Variants in L3MBTL4 observed in about 807,000 individuals in gnomAD.
L3MBTL4 encodes lethal(3)malignant brain tumor-like protein 4.
Under a neutral mutation model 84.5 loss-of-function variants are expected in L3MBTL4, and 70 were observed. The ratio of observed to expected loss-of-function variants is 0.83; its 90% CI spans 0.68 to 1.01. L3MBTL4 has a LOEUF of 1.01. L3MBTL4 is among the 50% of genes least tolerant of loss of function. L3MBTL4 has a pLI of 0.00. For synonymous variants in L3MBTL4, 274 were observed against 259.8 expected, an observed-to-expected ratio of 1.05 and a Z score of -0.52; for missense variants, 715 against 754.8, an observed-to-expected ratio of 0.95 and a Z score of 0.62.
At chr18:6,109,880 T>A (rs538067787) in intron 14 of L3MBTL4, among the ~76,000 whole-genome samples, 2 of 152,060 alleles carry the variant, frequency 1.3e-5, no homozygotes, top group Non-Finnish European at 2.9e-5. Context: ...AAAAGAGAAG[T>A]GGAAGGTCAG....
chr18:6,008,286 G>A (rs1286512003), intron 16 of L3MBTL4, among the ~76,000 whole-genome samples: 5 of 152,090 alleles, frequency 3.3e-5, no homozygotes, highest in South Asian at 2.1e-4. Context: ...CTGTGACCTC[G>A]GCCTTGGCTT....
At position 6,004,997 on chromosome 18, in the gene L3MBTL4, A is replaced by ATTTTTTTTT. The variant is rs60294342; in HGVS notation, c.1445-35444_1445-35436dup. 2.5e-3 allele frequency among the ~76,000 whole-genome samples: 131 copies of ATTTTTTTTT among 52,064 alleles called. 8 individuals are homozygous for ATTTTTTTTT. Among genetic ancestry groups the ATTTTTTTTT allele is most frequent in the South Asian group, 4.8e-3 (4 of 840 alleles). 34.2% of individuals were successfully genotyped at this position (52,064 alleles called of 152,430 possible). On this transcript the variant is annotated intron_variant, in intron 16 of 18. Coordinates refer to ENST00000317931, the MANE Select transcript of L3MBTL4 (RefSeq NM_001330559.2). ...ACACATAAAAATGGTTAAGATGATA[A>ATTTTTTTTT]TTTTTTTTTTTTTTTTTTTTTTTTT...
intron 8 of L3MBTL4, 71 bp downstream of exon 8, chr18:6,241,287 A>G (rs2047438580): frequency 1.1e-6 from 1 of 873,684 alleles, no homozygotes. Flanking sequence ...AATAAAACAG[A>G]ATATATAGTG....
At chr18:6,191,484 G>A (rs2045084664) in intron 12 of L3MBTL4, among the ~76,000 whole-genome samples, 1 of 152,152 alleles carries the variant, frequency 6.6e-6, no homozygotes, top group Non-Finnish European at 1.5e-5. Flanking sequence ...GGGTTAGAGA[G>A]GAAGATCAGT....
chr18:6,202,239 G>A (rs1468268204), intron 12 of L3MBTL4, among the ~76,000 whole-genome samples: 2 of 152,122 alleles, frequency 1.3e-5, no homozygotes, highest in Non-Finnish European at 2.9e-5. Context: ...AGGGCTACCC[G>A]ATTTGTGAAT....
chr18:6,349,333 T>C (rs1259023880), intron 1 of L3MBTL4, among the ~76,000 whole-genome samples: 1 of 152,212 alleles, frequency 6.6e-6, no homozygotes, highest in Non-Finnish European at 1.5e-5. Flanking sequence ...GGTGTATTCA[T>C]ACAATAAAAT....
intron 17 of L3MBTL4, among the ~76,000 whole-genome samples, chr18:5,968,619 T>C (rs1253444090): frequency 1.3e-5 from 2 of 151,638 alleles, no homozygotes; most frequent in Non-Finnish European, 2.9e-5. Context: ...ATCGCTAGAG[T>C]CCAGGAGTTC....
chr18:6,185,961 T>TATTA lies in L3MBTL4; in HGVS notation c.982-14020_982-14019insTAAT, dbSNP rs527320415. Among the ~76,000 whole-genome samples the TATTA allele has an allele frequency of 1.8e-4, 17 of 96,892 alleles. 1 individual carries two copies. The highest frequency in any genetic ancestry group is 8.0e-4 in the African/African-American group (17 of 21,152). 63.6% of individuals were successfully genotyped at this position (96,892 alleles called of 152,430 possible). ...AGTGAAAACCAAAAAGGGCACTTTCTTTATTTTATTTTATTTTATTTTATT... is the reference window on the plus strand; with the variant it reads ...AGTGAAAACCAAAAAGGGCACTTTCTATTATTATTTTATTTTATTTTATTTTATT... On this transcript the variant is annotated intron_variant, in intron 12 of 18. Coordinates refer to ENST00000317931, the MANE Select transcript of L3MBTL4 (RefSeq NM_001330559.2).
chr18:6,068,772 G>A (rs967124543), intron 16 of L3MBTL4, among the ~76,000 whole-genome samples: 1 of 152,198 alleles, frequency 6.6e-6, no homozygotes, highest in Admixed American at 6.5e-5. Context: ...GATTGTTGGG[G>A]TAGAGGTGTA....
chr18:6,079,119 CAG>C (rs2057978586), intron 16 of L3MBTL4, among the ~76,000 whole-genome samples: 1 of 152,160 alleles, frequency 6.6e-6, no homozygotes, highest in Admixed American at 6.5e-5. Context: ...CTATGCAGCC[CAG>C]TTCCTAACAG....
intron 13 of L3MBTL4, among the ~76,000 whole-genome samples, chr18:6,162,931 T>A (rs1194318719): frequency 6.6e-6 from 1 of 152,084 alleles, no homozygotes; most frequent in African/African-American, 2.4e-5. Context: ...GATAGGTGAG[T>A]AATGCATTGA....
At chr18:6,301,179 A>T (rs1230732153) in intron 4 of L3MBTL4, among the ~76,000 whole-genome samples, 1 of 152,194 alleles carries the variant, frequency 6.6e-6, no homozygotes, top group Non-Finnish European at 1.5e-5. Flanking sequence ...AAAAATAAAC[A>T]CAAAAGCTTC....
chr18:6,375,143 C>T lies in L3MBTL4; in HGVS notation c.-91+39658G>A, dbSNP rs578249531. 9.1e-4 allele frequency among the ~76,000 whole-genome samples: 138 copies of T among 152,244 alleles called. 1 individual carries two copies. In the Middle Eastern group the frequency reaches 0.014, roughly 15 times the overall value. On this transcript the variant is annotated intron_variant, in intron 1 of 18. Coordinates refer to ENST00000317931, the MANE Select transcript of L3MBTL4 (RefSeq NM_001330559.2). ...CTGACTCACAGGTGCCTTCCACTGG[C>T]GGCCACCTAGATCACTGCATCTGCC...
chr18:6,000,150 T>C (rs187450200), intron 16 of L3MBTL4, among the ~76,000 whole-genome samples: 35 of 152,274 alleles, frequency 2.3e-4, no homozygotes, highest in African/African-American at 8.2e-4. Context: ...AAAGATGCCA[T>C]GAGAAAAATG....
Position 6,156,413 on chromosome 18 carries a change from T to C in L3MBTL4, c.1096+15415A>G, listed in dbSNP as rs113619931. On this transcript the variant is annotated intron_variant, in intron 13 of 18. Coordinates refer to ENST00000317931, the MANE Select transcript of L3MBTL4 (RefSeq NM_001330559.2). ...AATGAGATGATAAAACTCTTCCTCA[T>C]GTAATATTTTCAGACAGTCAGTTGA... Among the ~76,000 whole-genome samples the C allele has an allele frequency of 2.1e-3, 316 of 148,454 alleles. 1 individual carries two copies. Among genetic ancestry groups the C allele is most frequent in the African/African-American group, 7.9e-3 (301 of 37,970 alleles).
At chr18:6,043,105 C>T (rs1407985042) in intron 16 of L3MBTL4, among the ~76,000 whole-genome samples, 3 of 152,202 alleles carry the variant, frequency 2.0e-5, no homozygotes, top group East Asian at 1.9e-4. Flanking sequence ...ATGCTCACCT[C>T]TGAAATACAT....
At chr18:6,103,183 A>G (rs2058891625) in intron 14 of L3MBTL4, among the ~76,000 whole-genome samples, 1 of 152,230 alleles carries the variant, frequency 6.6e-6, no homozygotes. Flanking sequence ...CAAAACTCTA[A>G]CTACACAGTT....
intron 7 of L3MBTL4, among the ~76,000 whole-genome samples, chr18:6,242,844 G>A (rs912252853): frequency 5.3e-5 from 8 of 152,100 alleles, no homozygotes; most frequent in African/African-American, 1.9e-4. Context: ...CATTCCCATC[G>A]AAAGAAAATA....
intron 17 of L3MBTL4, among the ~76,000 whole-genome samples, chr18:5,968,842 A>G (rs2052488020): frequency 6.6e-6 from 1 of 152,170 alleles, no homozygotes; most frequent in Non-Finnish European, 1.5e-5. Context: ...GACCAAATAT[A>G]CTTTATAAAT....
Sources: gnomAD v4.1 joint callset for allele counts (sites outside exome capture counted in the v4.1 genomes callset) on GRCh38, gnomAD v4.1.1 for gene constraint, MANE v1.5 for transcripts, NCBI Gene and HGNC (gene_info 2026-07-23, HGNC 2026-07-21) for gene names.